Variants in SUGCT observed in about 807,000 individuals in gnomAD.
The protein encoded by SUGCT is succinyl-CoA:glutarate CoA-transferase.
SUGCT carries 41 observed loss-of-function variants against 55.0 expected under a neutral mutation model. The ratio of observed to expected loss-of-function variants is 0.74; its 90% confidence interval spans 0.58 to 0.97. SUGCT has a LOEUF of 0.97. SUGCT is among the 50% of genes least tolerant of loss of function. The pLI, the probability that SUGCT is intolerant of heterozygous loss-of-function variation, is 0.00. For missense variants in SUGCT, 568 were observed against 547.8 expected (o/e 1.04, Z -0.37); for synonymous variants, 187 against 200.4 (o/e 0.93, Z 0.56).
intron 9 of SUGCT, among the ~76,000 whole-genome samples, chr7:40,391,473 G>A: frequency 6.6e-6 from 1 of 152,166 alleles, no homozygotes; most frequent in Non-Finnish European, 1.5e-5. Context: ...AGTGGGCAAA[G>A]GATATGAACA....
intron 13 of SUGCT, among the ~76,000 whole-genome samples, chr7:40,858,359 T>C (rs1268090478): frequency 7.6e-6 from 1 of 130,782 alleles, no homozygotes; most frequent in African/African-American, 3.0e-5. Flanking sequence ...GCCAAGATCA[T>C]GCCATTGCAC....
At chr7:40,595,328 T>G (rs1797948480) in intron 12 of SUGCT, among the ~76,000 whole-genome samples, 1 of 152,216 alleles carries the variant, frequency 6.6e-6, no homozygotes, top group South Asian at 2.1e-4. Context: ...TTGTGGAGCC[T>G]TCAGGAAGTG....
chr7:40,391,574 C>T (rs1296401132), intron 9 of SUGCT, among the ~76,000 whole-genome samples: 1 of 144,392 alleles, frequency 6.9e-6, no homozygotes, highest in Admixed American at 7.3e-5. Context: ...CAAATCAAAA[C>T]CACAGTGAGA....
chr7:40,699,311 C>T (rs1356054036), intron 12 of SUGCT, among the ~76,000 whole-genome samples: 2 of 152,050 alleles, frequency 1.3e-5, no homozygotes, highest in African/African-American at 4.8e-5. Flanking sequence ...TTGAAACAAG[C>T]TGCTAAGGGG....
At chr7:40,282,324 C>G (rs774718897) in intron 8 of SUGCT, among the ~76,000 whole-genome samples, 9 of 151,814 alleles carry the variant, frequency 5.9e-5, no homozygotes, top group Non-Finnish European at 1.2e-4. Context: ...AAAAATTAGC[C>G]GGGCATGGTG....
intron 12 of SUGCT, among the ~76,000 whole-genome samples, chr7:40,531,753 A>G (rs1021197604): frequency 4.6e-5 from 7 of 152,050 alleles, no homozygotes; most frequent in Non-Finnish European, 1.0e-4. Context: ...GGCTCACTGT[A>G]AGCTCCGCTT....
intron 12 of SUGCT, among the ~76,000 whole-genome samples, chr7:40,647,574 G>A (rs1308354325): frequency 6.6e-6 from 1 of 152,154 alleles, no homozygotes; most frequent in Non-Finnish European, 1.5e-5. Flanking sequence ...CCCTCAGCCA[G>A]GCGCAGTGGC....
chr7:40,886,578 G>C, the SUGCT span, among the ~76,000 whole-genome samples: 2 of 152,162 alleles, frequency 1.3e-5, no homozygotes, highest in Non-Finnish European at 2.9e-5. Flanking sequence ...CATGTGTGTG[G>C]GTAGAATAGT....
At chr7:40,203,876 G>A (rs770029774) in intron 6 of SUGCT, among the ~76,000 whole-genome samples, 1 of 152,032 alleles carries the variant, frequency 6.6e-6, no homozygotes, top group Non-Finnish European at 1.5e-5. Flanking sequence ...AAGTGAAAAG[G>A]TTAACTTTTT....
At chr7:40,515,087 G>T (rs1279113533) in intron 12 of SUGCT, among the ~76,000 whole-genome samples, 1 of 152,092 alleles carries the variant, frequency 6.6e-6, no homozygotes, top group African/African-American at 2.4e-5. Context: ...AGAGTTGTAT[G>T]TCATTTTAAT....
At chr7:40,607,292 C>T (rs916429634) in intron 12 of SUGCT, among the ~76,000 whole-genome samples, 2 of 152,016 alleles carry the variant, frequency 1.3e-5, no homozygotes, top group Admixed American at 1.3e-4. Context: ...TTTGTAGAGA[C>T]AGGGTCTCAC....
At chr7:40,347,879 A>G (rs1051791043) in intron 9 of SUGCT, among the ~76,000 whole-genome samples, 3 of 152,242 alleles carry the variant, frequency 2.0e-5, no homozygotes, top group African/African-American at 2.4e-5. Context: ...TGTTACTTGC[A>G]TTCCATAAAT....
chr7:40,309,420 G>T (rs565543917), intron 8 of SUGCT, among the ~76,000 whole-genome samples: 1 of 151,954 alleles, frequency 6.6e-6, no homozygotes, highest in Non-Finnish European at 1.5e-5. Flanking sequence ...TCAGCCTTCC[G>T]TGTAGCTGGG....
At chr7:40,306,585 A>G (rs1263002070) in intron 8 of SUGCT, among the ~76,000 whole-genome samples, 1 of 152,240 alleles carries the variant, frequency 6.6e-6, no homozygotes, top group African/African-American at 2.4e-5. Flanking sequence ...TTTCAAAACT[A>G]GAATTGTAGA....
chr7:40,897,298 C>G, the SUGCT span, among the ~76,000 whole-genome samples: 2 of 152,096 alleles, frequency 1.3e-5, no homozygotes, highest in African/African-American at 4.8e-5. Flanking sequence ...TGGGCAAAGA[C>G]TTTTTTGGAT....
chr7:40,505,349 G>A (rs1206608126), intron 12 of SUGCT, among the ~76,000 whole-genome samples: 5 of 151,850 alleles, frequency 3.3e-5, no homozygotes, highest in African/African-American at 7.3e-5. Flanking sequence ...CAAGCCATTC[G>A]TAATGTTTTG....
At chr7:40,772,357 G>GT (rs1486128273) in intron 13 of SUGCT, among the ~76,000 whole-genome samples, 1 of 151,532 alleles carries the variant, frequency 6.6e-6, no homozygotes, top group Non-Finnish European at 1.5e-5. Context: ...CATGCTTCTG[G>GT]TTAAAAAAAA....
the SUGCT span, among the ~76,000 whole-genome samples, chr7:40,943,928 C>T: frequency 4.7e-5 from 7 of 149,394 alleles, no homozygotes; most frequent in South Asian, 2.1e-4. Context: ...TCTCCACATC[C>T]TCTCCAGCAC....
intron 12 of SUGCT, among the ~76,000 whole-genome samples, chr7:40,510,968 G>A (rs574084100): frequency 1.5e-4 from 23 of 152,192 alleles, no homozygotes; most frequent in South Asian, 1.2e-3. Flanking sequence ...GAAAACACAG[G>A]TTTAGGATGG....
Sources: allele counts gnomAD v4.1 joint callset (sites outside exome capture counted in the v4.1 genomes callset), GRCh38; gene constraint gnomAD v4.1.1; transcripts MANE v1.5; gene names NCBI Gene and HGNC (gene_info 2026-07-23, HGNC 2026-07-21).